Variants in MCTP1 observed in about 807,000 individuals in gnomAD.
MCTP1 encodes the protein multiple C2 and transmembrane domain-containing protein 1.
In MCTP1, 69 loss-of-function variants were observed where a neutral mutation model predicts 120.6. The observed-to-expected ratio is 0.57, with a 90% confidence interval of 0.47 to 0.70. The LOEUF (loss-of-function observed/expected upper bound fraction) is 0.70, where lower values mean the gene tolerates loss of function less well. MCTP1 is among the 30% of genes least tolerant of loss of function. The pLI, the probability that MCTP1 is intolerant of heterozygous loss-of-function variation, is 0.00. For missense variants in MCTP1, 1,203 were observed against 1,248.8 expected, an observed-to-expected ratio of 0.96 and a Z score of 0.55; for synonymous variants, 529 against 493.1, an observed-to-expected ratio of 1.07 and a Z score of -0.96.
chr5:94,912,842 C>A lies in MCTP1; in HGVS notation c.1485G>T (p.Val495=), dbSNP rs762982124. The A allele has an allele frequency of 6.3e-6, 10 of 1,583,506 alleles. No individual in the cohort carries two copies. Among genetic ancestry groups the A allele is most frequent in the Middle Eastern group, 1.7e-4 (1 of 5,990 alleles). Residue 495 remains valine (V), a synonymous_variant, in exon 9 of 23, where the codon GTG becomes GTT. Coordinates refer to ENST00000515393, the MANE Select transcript of MCTP1 (RefSeq NM_024717.7). ...ACTTCTGATGCCCAAGCCGGAACTT[C>A]ACGTAGGGATCGCTCAACCCGTTGG... ...MDSNGLSDPY[V]KFRLGHQKYK...
chr5:95,197,186 A>C (rs1233422499), intron 1 of MCTP1, among the ~76,000 whole-genome samples: 1 of 152,194 alleles, frequency 6.6e-6, no homozygotes, highest in Non-Finnish European at 1.5e-5. Flanking sequence ...ACAGTTTGTC[A>C]CTGAGGAAAT....
chr5:95,264,545 C>T (rs779838250), intron 1 of MCTP1, among the ~76,000 whole-genome samples: 43 of 152,282 alleles, frequency 2.8e-4, no homozygotes, highest in South Asian at 6.2e-4. Flanking sequence ...CCAAACCCCA[C>T]GCGGGCACTG....
In MCTP1 at chr5:94,714,702, G is replaced by T. The variant is rs1758432392; in HGVS notation, c.2720+75C>A. On this transcript the variant is annotated intron_variant, in intron 20 of 22. Coordinates refer to ENST00000515393, the MANE Select transcript of MCTP1 (RefSeq NM_024717.7). The stretch of plus-strand genomic sequence containing the variant: ...AGTGTCCCCTGCCAAAAAGAATGTG[G>T]CATTTCACCCTCCAAGAAACAAATG... The T allele has an allele frequency of 3.5e-6, 3 of 860,960 alleles. No homozygotes were observed. The African/African-American group carries it at 5.0e-5, about 14-fold the overall frequency. The allele number at this position is 860,960 out of a possible 1,614,324, so 53.3% of individuals were successfully genotyped here. A position where few individuals can be genotyped will look rare whatever the true frequency, so the allele number is the denominator to read the frequency against.
At chr5:95,009,283 G>A (rs974594359) in intron 2 of MCTP1, among the ~76,000 whole-genome samples, 1 of 151,998 alleles carries the variant, frequency 6.6e-6, no homozygotes, top group African/African-American at 2.4e-5. Flanking sequence ...GATAGAAAAT[G>A]GCTATTACCA....
rs538799875 is a variant in MCTP1 at position 94,920,144 on chromosome 5, C to T, written c.1273-2171G>A. Among the ~76,000 whole-genome samples the T allele has an allele frequency of 3.9e-5, 6 of 152,106 alleles. No individual in the cohort carries two copies. The East Asian group carries it at 9.7e-4, about 24-fold the overall frequency. The stretch of plus-strand genomic sequence containing the variant: ...TTTCAAAGCTTTTACTACGTTTGTT[C>T]GAAAATACATACAAATAGAAAATCA... On this transcript the variant is annotated intron_variant, in intron 7 of 22. Coordinates refer to ENST00000515393, the MANE Select transcript of MCTP1 (RefSeq NM_024717.7).
At chr5:95,012,383 T>G (rs888697861) in intron 2 of MCTP1, among the ~76,000 whole-genome samples, 2 of 152,152 alleles carry the variant, frequency 1.3e-5, no homozygotes, top group Non-Finnish European at 2.9e-5. Flanking sequence ...CATACATTTA[T>G]GTATAGTTCT....
intron 19 of MCTP1, among the ~76,000 whole-genome samples, chr5:94,724,110 C>T (rs1761572661): frequency 6.6e-6 from 1 of 152,094 alleles, no homozygotes; most frequent in South Asian, 2.1e-4. Context: ...ACTTCTAATT[C>T]AACAAAAATT....
chr5:94,787,622 GTTTTT>G (rs11432604), intron 18 of MCTP1, among the ~76,000 whole-genome samples: 2 of 141,410 alleles, frequency 1.4e-5, no homozygotes, highest in Non-Finnish European at 3.1e-5. Flanking sequence ...GTTTTTTTTT[GTTTTT>G]TTTTTTTGAG....
intron 18 of MCTP1, among the ~76,000 whole-genome samples, chr5:94,797,187 A>G (rs948910543): frequency 6.6e-6 from 1 of 152,308 alleles, no homozygotes; most frequent in East Asian, 1.9e-4. Flanking sequence ...GATGTTTCCA[A>G]CCAAGCCAGG....
intron 2 of MCTP1, among the ~76,000 whole-genome samples, chr5:94,960,113 C>G (rs1016605939): frequency 2.6e-5 from 4 of 152,120 alleles, no homozygotes; most frequent in African/African-American, 9.7e-5. Flanking sequence ...AGAAATAACA[C>G]CACACATCTA....
intron 1 of MCTP1, among the ~76,000 whole-genome samples, chr5:95,035,088 G>A (rs1053711180): frequency 1.4e-4 from 21 of 152,002 alleles, no homozygotes; most frequent in African/African-American, 3.6e-4. Context: ...TGGCAAAGAC[G>A]TGGAGAAAAG....
chr5:95,253,167 G>A (rs1432255429), intron 1 of MCTP1, among the ~76,000 whole-genome samples: 2 of 152,166 alleles, frequency 1.3e-5, no homozygotes, highest in Admixed American at 1.3e-4. Flanking sequence ...AGCAGAATAT[G>A]CAAGAGGATA....
chr5:95,024,845 A>G (rs1838931895), intron 1 of MCTP1, among the ~76,000 whole-genome samples: 1 of 152,176 alleles, frequency 6.6e-6, no homozygotes, highest in Non-Finnish European at 1.5e-5. Context: ...AAAAATACTT[A>G]GGAGTAGGTT....
chr5:95,051,643 A>G (rs897141829), intron 1 of MCTP1, among the ~76,000 whole-genome samples: 4 of 152,222 alleles, frequency 2.6e-5, no homozygotes, highest in Admixed American at 6.5e-5. Flanking sequence ...GAAATATAAT[A>G]AAATATATAT....
At chr5:95,174,989 A>G (rs956666111) in intron 1 of MCTP1, among the ~76,000 whole-genome samples, 1 of 152,058 alleles carries the variant, frequency 6.6e-6, no homozygotes, top group Non-Finnish European at 1.5e-5. Flanking sequence ...TATTGGCACA[A>G]CTGCTAAGTT....
At chr5:94,806,843 G>A (rs1373537784) in intron 17 of MCTP1, among the ~76,000 whole-genome samples, 1 of 152,150 alleles carries the variant, frequency 6.6e-6, no homozygotes, top group Non-Finnish European at 1.5e-5. Context: ...ATTAAGAGAT[G>A]AGATTCTCTA....
intron 21 of MCTP1, chr5:94,709,141 T>TAAAC (rs1397271336): frequency 2.6e-5 from 4 of 152,244 alleles, no homozygotes; most frequent in African/African-American, 9.7e-5. Context: ...AATAAATAAA[T>TAAAC]AAATAAACAC....
chr5:95,245,879 C>A (rs766063505), intron 1 of MCTP1, among the ~76,000 whole-genome samples: 9 of 152,150 alleles, frequency 5.9e-5, no homozygotes, highest in Non-Finnish European at 8.8e-5. Flanking sequence ...ACATAATTGT[C>A]AAATTCACCA....
intron 1 of MCTP1, among the ~76,000 whole-genome samples, chr5:95,259,043 C>T (rs1758194179): frequency 2.0e-5 from 3 of 152,126 alleles, no homozygotes. Flanking sequence ...AGGGAATAAC[C>T]TATCTACTAA....
Sources: allele counts gnomAD v4.1 joint callset (sites outside exome capture counted in the v4.1 genomes callset), GRCh38; gene constraint gnomAD v4.1.1; transcripts MANE v1.5; gene names NCBI Gene and HGNC (gene_info 2026-07-23, HGNC 2026-07-21).